The following PRKCA variants were observed in gnomAD, a reference collection of about 807,000 sequenced individuals.
The protein encoded by PRKCA is protein kinase C alpha, also known as protein kinase C alpha type.
In PRKCA, 27 loss-of-function variants were observed where a neutral mutation model predicts 87.0. The ratio of observed to expected loss-of-function variants is 0.31; its 90% confidence interval spans 0.23 to 0.43. The LOEUF is 0.43. Ranked by LOEUF, PRKCA falls within the 20% of genes least tolerant of loss-of-function variation. The pLI is 1.00. For synonymous variants in PRKCA, 329 were observed against 311.1 expected, an observed-to-expected ratio of 1.06 and a Z score of -0.61; for missense variants, 518 against 852.3, an observed-to-expected ratio of 0.61 and a Z score of 4.88.
intron 2 of PRKCA, among the ~76,000 whole-genome samples, chr17:66,307,973 C>T (rs377242566): frequency 6.6e-6 from 1 of 152,176 alleles, no homozygotes; most frequent in Non-Finnish European, 1.5e-5. Context: ...TTGCTCTTTT[C>T]ACTCAGCAGT....
intron 13 of PRKCA, among the ~76,000 whole-genome samples, chr17:66,743,398 G>A (rs1361974474): frequency 3.3e-5 from 5 of 152,214 alleles, no homozygotes; most frequent in East Asian, 3.8e-4. Flanking sequence ...GGGGTGAGAC[G>A]GGGGTTGCAG....
chr17:66,490,960 C>T (rs1222379322), intron 2 of PRKCA, among the ~76,000 whole-genome samples: 2 of 152,210 alleles, frequency 1.3e-5, no homozygotes, highest in Non-Finnish European at 2.9e-5. Flanking sequence ...GGTGAAAACT[C>T]TCCTTAATTT....
chr17:66,536,369 A>G (rs934534732), intron 3 of PRKCA, among the ~76,000 whole-genome samples: 1 of 152,260 alleles, frequency 6.6e-6, no homozygotes, highest in African/African-American at 2.4e-5. Context: ...AATCATTCAG[A>G]GAAAAGCCAC....
intron 2 of PRKCA, among the ~76,000 whole-genome samples, chr17:66,372,903 A>G (rs113122614): frequency 2.0e-5 from 3 of 152,238 alleles, no homozygotes; most frequent in African/African-American, 7.2e-5. Flanking sequence ...ACTAAAATAC[A>G]AAAATTAGCC....
At chr17:66,749,210 G>A (rs1974373019) in intron 13 of PRKCA, among the ~76,000 whole-genome samples, 1 of 152,060 alleles carries the variant, frequency 6.6e-6, no homozygotes, top group African/African-American at 2.4e-5. Flanking sequence ...TCTTGGAGAA[G>A]CCAAAGCCTT....
At chr17:66,417,844 C>T (rs577912928) in intron 2 of PRKCA, among the ~76,000 whole-genome samples, 10 of 152,228 alleles carry the variant, frequency 6.6e-5, no homozygotes, top group African/African-American at 9.6e-5. Flanking sequence ...TTGCTCAGGC[C>T]ATTCTTTGGT....
chr17:66,375,283 G>T (rs1909358808), intron 2 of PRKCA, among the ~76,000 whole-genome samples: 1 of 152,170 alleles, frequency 6.6e-6, no homozygotes, highest in Non-Finnish European at 1.5e-5. Flanking sequence ...CCTGGTTAAT[G>T]AATATTTATT....
chr17:66,332,782 C>T (rs918693758), intron 2 of PRKCA, among the ~76,000 whole-genome samples: 1 of 151,476 alleles, frequency 6.6e-6, no homozygotes, highest in South Asian at 2.1e-4. Flanking sequence ...AGCTCCACCT[C>T]CCAGGTTCAC....
chr17:66,420,282 G>A (rs1014867675), intron 2 of PRKCA, among the ~76,000 whole-genome samples: 2 of 151,984 alleles, frequency 1.3e-5, no homozygotes, highest in African/African-American at 4.8e-5. Flanking sequence ...GTGCTAGGAT[G>A]ACAGGCGTGA....
chr17:66,786,919 A>T lies in PRKCA; in HGVS notation c.1658A>T (p.His553Leu). The change falls in exon 15 of 17, where the codon CAC becomes CTC. Residue 553 changes from histidine (H) to leucine (L), a missense_variant. This residue lies in a region of PRKCA where 159 missense variants were observed against 232.4 expected (regional missense o/e 0.68). Coordinates refer to ENST00000413366, the MANE Select transcript of PRKCA (RefSeq NM_002737.3). ...GAGCTATTTCAGTCTATCATGGAGC[A>T]CAACGTTTCCTATCCAAAATCCTTG... ...EDELFQSIMEHNVSYPKSLSK... is the reference protein window; with the variant it reads ...EDELFQSIMELNVSYPKSLSK... 1 of 1,614,200 alleles carries T rather than the reference A, an allele frequency of 6.2e-7. No individual in the cohort carries two copies. Among genetic ancestry groups the T allele is most frequent in the Non-Finnish European group, 8.5e-7 (1 of 1,180,024 alleles).
At chr17:66,511,499 A>G (rs1417075647) in intron 3 of PRKCA, among the ~76,000 whole-genome samples, 1 of 152,136 alleles carries the variant, frequency 6.6e-6, no homozygotes, top group African/African-American at 2.4e-5. Context: ...TTTTTTCCCC[A>G]TTAAGAATTG....
chr17:66,483,654 G>T (rs905877246), intron 2 of PRKCA, among the ~76,000 whole-genome samples: 2 of 151,730 alleles, frequency 1.3e-5, no homozygotes, highest in African/African-American at 2.4e-5. Context: ...GTAGAGACAG[G>T]GTTTCACTGT....
In PRKCA at chr17:66,729,086, C is replaced by G. The variant is rs371131236; in HGVS notation, c.919-3602C>G. 1.4e-4 allele frequency among the ~76,000 whole-genome samples: 22 copies of G among 152,298 alleles called. 1 individual carries two copies. The South Asian group carries it at 4.6e-3, about 32-fold the overall frequency. On this transcript the variant is annotated intron_variant, in intron 8 of 16. Transcript: ENST00000413366. Reference sequence around the variant, plus strand: ...GGTGGCATAGTCGGTATTCTCATCTCAAATTTGCACTTCCTATGTATTCTT... The same window carrying G: ...GGTGGCATAGTCGGTATTCTCATCTGAAATTTGCACTTCCTATGTATTCTT...
chr17:66,348,782 G>A (rs911263367), intron 2 of PRKCA, among the ~76,000 whole-genome samples: 2 of 152,096 alleles, frequency 1.3e-5, no homozygotes, highest in East Asian at 1.9e-4. Flanking sequence ...AGAGGGGGAG[G>A]GCAGCTGGAA....
At chr17:66,440,974 C>A (rs1913708324) in intron 2 of PRKCA, among the ~76,000 whole-genome samples, 1 of 151,668 alleles carries the variant, frequency 6.6e-6, no homozygotes, top group Non-Finnish European at 1.5e-5. Flanking sequence ...ATCAGCCTGG[C>A]AACATGGTGA....
chr17:66,605,352 A>C (rs1379250828), intron 3 of PRKCA, among the ~76,000 whole-genome samples: 1 of 152,186 alleles, frequency 6.6e-6, no homozygotes, highest in South Asian at 2.1e-4. Context: ...CATGATTTCC[A>C]TGTTGGTGGG....
chr17:66,632,980 T>C lies in PRKCA; in HGVS notation c.289-8375T>C, dbSNP rs549256167. Among the ~76,000 whole-genome samples the C allele has an allele frequency of 3.9e-5, 6 of 152,332 alleles. No individual in the cohort carries two copies. The South Asian group carries it at 1.2e-3, about 32-fold the overall frequency. On this transcript the variant is annotated intron_variant, in intron 3 of 16. Transcript: ENST00000413366. Reference sequence around the variant, plus strand: ...TATAGATGAGTGTTATTCACCAGAATAAACTGAAGTGTTACATTGCAGATC... The same window carrying C: ...TATAGATGAGTGTTATTCACCAGAACAAACTGAAGTGTTACATTGCAGATC...
chr17:66,770,500 T>C (rs888165252), intron 13 of PRKCA, among the ~76,000 whole-genome samples: 5 of 152,242 alleles, frequency 3.3e-5, no homozygotes, highest in African/African-American at 4.8e-5. Context: ...GTGATTACAA[T>C]GGCACCAGCC....
Position 66,741,728 on chromosome 17 carries a change from A to G in PRKCA, c.1385+7A>G. ...AAAGAGGAATCATTTATAGGTGTGT[A>G]TTGAAGCCCTCCTACCAGCAGCTCA... On this transcript the variant is annotated splice_region_variant and intron_variant, in intron 12 of 16. Coordinates refer to ENST00000413366, the MANE Select transcript of PRKCA (RefSeq NM_002737.3). The G allele has an allele frequency of 6.2e-7, 1 of 1,613,804 alleles. No homozygotes were observed. The highest frequency in any genetic ancestry group is 1.7e-5 in the Admixed American group (1 of 60,012).
Sources: allele counts gnomAD v4.1 joint callset (sites outside exome capture counted in the v4.1 genomes callset), GRCh38; gene constraint gnomAD v4.1.1; regional missense constraint gnomAD v4.1.1; transcripts MANE v1.5; gene names NCBI Gene and HGNC (gene_info 2026-07-23, HGNC 2026-07-21).